The following ZMYM2 variants were observed in gnomAD, a reference collection of about 807,000 sequenced individuals.
The protein encoded by ZMYM2 is zinc finger MYM-type containing 2.
Under a neutral mutation model 162.8 loss-of-function variants are expected in ZMYM2, and 56 were observed. The observed-to-expected ratio is 0.34, with a 90% CI of 0.28 to 0.43. The LOEUF (loss-of-function observed/expected upper bound fraction) is 0.43, where lower values mean the gene tolerates loss of function less well. Among genes scored for constraint, ZMYM2 ranks in the 20% least tolerant of loss-of-function variants. The probability of loss-of-function intolerance (pLI) is 1.00; values close to 1 mark genes in which losing one functional copy is unlikely to be tolerated. For missense variants in ZMYM2, 1,275 were observed against 1,621.8 expected (o/e 0.79, Z 3.67); for synonymous variants, 510 against 541.6 (o/e 0.94, Z 0.81).
At position 20,087,095 on chromosome 13, in the gene ZMYM2, A is replaced by G. The variant is rs568927500; in HGVS notation, c.*1081A>G. On this transcript the variant is annotated 3_prime_UTR_variant, in exon 25 of 25. Transcript: ENST00000610343. ...TGAAATAGTTACAGAAAGTCAAGCT[A>G]TGTTAAATAAGATAGGATCACATTT... 47 of 184,248 alleles carry G rather than the reference A, an allele frequency of 2.6e-4. No homozygotes were observed. The East Asian group carries it at 3.9e-3, about 15-fold the overall frequency. The allele number at this position is 184,248 out of a possible 1,614,324, so 11.4% of individuals were successfully genotyped here.
At chr13:20,050,136 A>G in intron 12 of ZMYM2, among the ~76,000 whole-genome samples, 1 of 151,984 alleles carries the variant, frequency 6.6e-6, no homozygotes, top group East Asian at 1.9e-4. Context: ...GTTTTTGGAC[A>G]AGAGTTGTGA....
chr13:19,914,704 C>T, the ZMYM2 span, among the ~76,000 whole-genome samples: 1 of 152,214 alleles, frequency 6.6e-6, no homozygotes, highest in African/African-American at 2.4e-5. Context: ...TTCCACAAAG[C>T]ATTGCTTCTG....
At chr13:20,011,252 C>G (rs1314842020) in intron 6 of ZMYM2, among the ~76,000 whole-genome samples, 1 of 152,088 alleles carries the variant, frequency 6.6e-6, no homozygotes, top group Non-Finnish European at 1.5e-5. Flanking sequence ...ATATCTTGTA[C>G]AGTTTGAGTA....
At chr13:20,048,489 A>G (rs957281969) in intron 12 of ZMYM2, among the ~76,000 whole-genome samples, 1 of 152,028 alleles carries the variant, frequency 6.6e-6, no homozygotes, top group African/African-American at 2.4e-5. Context: ...TTGAGAAGTC[A>G]TAAAGGATTT....
intron 21 of ZMYM2, among the ~76,000 whole-genome samples, chr13:20,069,289 T>C (rs1956906876): frequency 6.6e-6 from 1 of 152,146 alleles, no homozygotes; most frequent in Non-Finnish European, 1.5e-5. Flanking sequence ...CATTTTTCTC[T>C]CCTGCCACCC....
intron 7 of ZMYM2, 28 bp downstream of exon 7, chr13:20,019,646 G>A: frequency 6.4e-7 from 1 of 1,568,368 alleles, no homozygotes; most frequent in Non-Finnish European, 8.7e-7. Context: ...TGGAGTTCAA[G>A]GCCTTAACAT....
intron 7 of ZMYM2, among the ~76,000 whole-genome samples, chr13:20,021,979 G>GT (rs1313902241): frequency 6.6e-6 from 1 of 152,152 alleles, no homozygotes; most frequent in African/African-American, 2.4e-5. Context: ...AGTGAAACTA[G>GT]TAAGTAGGCT....
intron 6 of ZMYM2, among the ~76,000 whole-genome samples, chr13:20,010,916 G>A (rs933646613): frequency 1.1e-4 from 16 of 152,218 alleles, no homozygotes; most frequent in African/African-American, 3.9e-4. Context: ...TGGGATTATA[G>A]GCATGAGCCA....
the ZMYM2 span, among the ~76,000 whole-genome samples, chr13:19,916,268 T>A: frequency 6.2e-3 from 949 of 152,072 alleles, 16 homozygotes; most frequent in African/African-American, 0.021. Context: ...TTGGTGGGAG[T>A]GTAAATTAGT....
At chr13:19,935,873 T>A in the ZMYM2 span, among the ~76,000 whole-genome samples, 1 of 152,322 alleles carries the variant, frequency 6.6e-6, no homozygotes, top group East Asian at 1.9e-4. Context: ...ATGACTCTCT[T>A]AGAGTGGATA....
chr13:19,996,673 C>T (rs1378457415), intron 3 of ZMYM2, among the ~76,000 whole-genome samples: 3 of 151,932 alleles, frequency 2.0e-5, no homozygotes, highest in Admixed American at 6.6e-5. Flanking sequence ...GCAGAGATTG[C>T]ACCACTGCAC....
chr13:19,947,582 GC>G, the ZMYM2 span, among the ~76,000 whole-genome samples: 1 of 149,662 alleles, frequency 6.7e-6, no homozygotes, highest in African/African-American at 2.5e-5. Context: ...CCTCAGCCTC[GC>G]GGGTAGCTGG....
Position 19,999,053 on chromosome 13 carries a change from G to A in ZMYM2, c.848-3797G>A, listed in dbSNP as rs138384442. ...AGAACAGCAACTAGTGCAGCAAACTGGAGACTTCTACTAAACACTAAAGAA... is the reference window on the plus strand; with the variant it reads ...AGAACAGCAACTAGTGCAGCAAACTAGAGACTTCTACTAAACACTAAAGAA... On this transcript the variant is annotated intron_variant, in intron 3 of 24. Coordinates refer to ENST00000610343, the MANE Select transcript of ZMYM2 (RefSeq NM_197968.4). Among the ~76,000 whole-genome samples the A allele has an allele frequency of 3.9e-5, 6 of 152,232 alleles. No individual in the cohort carries two copies. In the East Asian group the frequency reaches 1.2e-3, roughly 29 times the overall value.
chr13:19,900,503 CATT>C, the ZMYM2 span, among the ~76,000 whole-genome samples: 1 of 152,050 alleles, frequency 6.6e-6, no homozygotes, highest in Non-Finnish European at 1.5e-5. Flanking sequence ...TTCTACCAAA[CATT>C]ATATTTATCG....
the ZMYM2 span, among the ~76,000 whole-genome samples, chr13:19,907,300 A>C: frequency 6.6e-6 from 1 of 152,168 alleles, no homozygotes; most frequent in African/African-American, 2.4e-5. Flanking sequence ...TCCGGACAAT[A>C]AAAGAAATGT....
chr13:19,975,151 T>TC (rs1320093490), intron 2 of ZMYM2, among the ~76,000 whole-genome samples: 1 of 145,826 alleles, frequency 6.9e-6, no homozygotes, highest in Non-Finnish European at 1.5e-5. Flanking sequence ...GGTATTTTTT[T>TC]CCCCCATATG....
the ZMYM2 span, among the ~76,000 whole-genome samples, chr13:19,947,684 GGCTA>G: frequency 0.048 from 7,313 of 151,956 alleles, 205 homozygotes; most frequent in South Asian, 0.11. Context: ...GGCTAGGCTA[GGCTA>G]GTCTCGAATT....
intron 21 of ZMYM2, among the ~76,000 whole-genome samples, chr13:20,075,279 A>G (rs896975744): frequency 3.3e-5 from 5 of 152,224 alleles, no homozygotes; most frequent in African/African-American, 1.2e-4. Context: ...TGGAAGAAAC[A>G]GTATCTTTTT....
intron 6 of ZMYM2, among the ~76,000 whole-genome samples, chr13:20,008,575 G>A (rs1199449767): frequency 6.6e-6 from 1 of 152,234 alleles, no homozygotes; most frequent in African/African-American, 2.4e-5. Flanking sequence ...AGGTGGCACT[G>A]CCATATTAGT....
Sources: allele counts gnomAD v4.1 joint callset (sites outside exome capture counted in the v4.1 genomes callset), GRCh38; gene constraint gnomAD v4.1.1; transcripts MANE v1.5; gene names NCBI Gene and HGNC (gene_info 2026-07-23, HGNC 2026-07-21).